The following FMN1 variants were observed in gnomAD, a reference collection of about 807,000 sequenced individuals.
The protein encoded by FMN1 is formin 1.
Under a neutral mutation model 132.4 loss-of-function variants are expected in FMN1, and 110 were observed. That is an observed-to-expected ratio of 0.83 (90% CI 0.71 to 0.97). The LOEUF is 0.97. Among genes scored for constraint, FMN1 ranks in the 50% least tolerant of loss-of-function variants. The pLI is 0.00. For missense variants in FMN1, 1,792 were observed against 1,705.3 expected (o/e 1.05, Z -0.90); for synonymous variants, 722 against 651.7 (o/e 1.11, Z -1.64).
At chr15:32,989,622 T>C (rs1473109110) in intron 7 of FMN1, among the ~76,000 whole-genome samples, 1 of 152,120 alleles carries the variant, frequency 6.6e-6, no homozygotes, top group African/African-American at 2.4e-5. Flanking sequence ...GCTCAAGACT[T>C]TGAACTTAAC....
chr15:33,155,471 C>A (rs1964634891), intron 3 of FMN1, among the ~76,000 whole-genome samples: 1 of 152,146 alleles, frequency 6.6e-6, no homozygotes, highest in Non-Finnish European at 1.5e-5. Context: ...TATTACTTTG[C>A]AAAGGTAGAT....
chr15:33,157,082 A>G (rs1964700231), intron 3 of FMN1, among the ~76,000 whole-genome samples: 1 of 152,042 alleles, frequency 6.6e-6, no homozygotes, highest in African/African-American at 2.4e-5. Flanking sequence ...CCTGGCCAAC[A>G]TGGTAAACCC....
intron 7 of FMN1, among the ~76,000 whole-genome samples, chr15:32,986,621 T>C (rs564134132): frequency 6.6e-6 from 1 of 152,100 alleles, no homozygotes; most frequent in Non-Finnish European, 1.5e-5. Context: ...TAAACGGAAT[T>C]TGGCAGAACA....
chr15:32,969,151 G>C lies in FMN1; in HGVS notation c.2550C>G (p.Ile850Met). 6.2e-7 allele frequency: 1 copy of C among 1,613,938 alleles called. No individual in the cohort carries two copies. Among genetic ancestry groups the C allele is most frequent in the Non-Finnish European group, 8.5e-7 (1 of 1,179,880 alleles). The change falls in exon 8 of 21, where the codon ATC (isoleucine) becomes ATG (methionine). Residue 850 changes from isoleucine to methionine, a missense_variant. Coordinates refer to ENST00000616417, the MANE Select transcript of FMN1 (RefSeq NM_001277313.2). ...CCTCCATTGGCTGGAGTGCTGCATG[G>C]ATGTCTTTGTGGTCATTTGGGGGTG... is the stretch of plus-strand genomic sequence containing the variant. ...QLSPPNDHKD[I>M]HAALQPMEGM...
intron 7 of FMN1, among the ~76,000 whole-genome samples, chr15:32,984,068 A>C (rs895764129): frequency 8.5e-5 from 13 of 152,124 alleles, no homozygotes; most frequent in Non-Finnish European, 1.5e-4. Context: ...CTACCGCATT[A>C]TACTTATGAT....
chr15:32,921,670 CT>C (rs374598630), intron 10 of FMN1, among the ~76,000 whole-genome samples: 1,846 of 111,718 alleles, frequency 0.017, 36 homozygotes, highest in African/African-American at 0.083. Flanking sequence ...CCAGCTGTGT[CT>C]TTTTTTTCTT....
At chr15:33,168,249 T>C (rs1965184788) in intron 3 of FMN1, among the ~76,000 whole-genome samples, 1 of 152,150 alleles carries the variant, frequency 6.6e-6, no homozygotes, top group Non-Finnish European at 1.5e-5. Flanking sequence ...CAGGGAGAAA[T>C]AATGAATCTG....
chr15:32,969,477 C>T lies in FMN1; in HGVS notation c.2224G>A (p.Ala742Thr). 1 of 1,612,046 alleles carries T rather than the reference C, an allele frequency of 6.2e-7. No homozygotes were observed. The highest frequency in any genetic ancestry group is 8.5e-7 in the Non-Finnish European group (1 of 1,178,936). Residue 742 changes from alanine (A) to threonine (T), a missense_variant and splice_region_variant, in exon 8 of 21, where the codon GCA (alanine) becomes ACA (threonine). By Grantham distance (58) the Ala-to-Thr change is moderately conservative. Transcript: ENST00000616417. ...TGAAATGCCCGAAGTTCAAACTGTG[C>T]CTATAGGAAAATTCAGAGGGAAAGA... The part of the protein sequence containing the change: ...EHKEEIENLQ[A>T]QFELRAFHIR...
chr15:32,975,913 G>A (rs1053551383), intron 7 of FMN1, among the ~76,000 whole-genome samples: 1 of 152,018 alleles, frequency 6.6e-6, no homozygotes, highest in African/African-American at 2.4e-5. Flanking sequence ...CCACTGCTCA[G>A]AGATATCATC....
In FMN1 at chr15:32,930,374, C is replaced by G. The variant is rs986989872; in HGVS notation, c.3139-4113G>C. On this transcript the variant is annotated intron_variant, in intron 9 of 20. Coordinates refer to ENST00000616417, the MANE Select transcript of FMN1 (RefSeq NM_001277313.2). ...CCACCAACAGTGTACAAAGGTCCCA[C>G]TTTGTCTACATCCTCAAAAAAACTT... is the stretch of plus-strand genomic sequence containing the variant. Among the ~76,000 whole-genome samples the G allele has an allele frequency of 5.3e-5, 8 of 151,544 alleles. No individual in the cohort carries two copies. The East Asian group carries it at 1.5e-3, about 29-fold the overall frequency.
At chr15:33,017,201 GT>G (rs1189846124) in intron 6 of FMN1, among the ~76,000 whole-genome samples, 2 of 152,048 alleles carry the variant, frequency 1.3e-5, no homozygotes, top group Admixed American at 6.5e-5. Flanking sequence ...GCGACAGGGG[GT>G]TTTTAGGACA....
intron 15 of FMN1, among the ~76,000 whole-genome samples, chr15:32,894,782 T>TAA (rs36138638): frequency 2.9e-4 from 41 of 141,152 alleles, no homozygotes; most frequent in South Asian, 6.8e-4. Context: ...AGAAGACAGT[T>TAA]AAAAAAAAAA....
intron 6 of FMN1, among the ~76,000 whole-genome samples, chr15:33,019,152 G>A (rs890674125): frequency 2.6e-5 from 4 of 152,160 alleles, no homozygotes; most frequent in Non-Finnish European, 4.4e-5. Flanking sequence ...CTGTTTTACA[G>A]AGAGCTGATT....
intron 17 of FMN1, among the ~76,000 whole-genome samples, chr15:32,817,067 C>A (rs573257325): frequency 1.1e-4 from 17 of 152,176 alleles, no homozygotes; most frequent in Non-Finnish European, 1.9e-4. Flanking sequence ...CAATATACAG[C>A]ATCATACCTT....
At chr15:32,890,184 T>C (rs1238965941) in intron 15 of FMN1, among the ~76,000 whole-genome samples, 2 of 152,238 alleles carry the variant, frequency 1.3e-5, no homozygotes, top group Admixed American at 6.5e-5. Context: ...GATGGGCATT[T>C]GGGTTGGTTC....
intron 4 of FMN1, among the ~76,000 whole-genome samples, chr15:33,113,914 G>T (rs534881199): frequency 1.2e-3 from 187 of 152,240 alleles, no homozygotes; most frequent in African/African-American, 4.4e-3. Flanking sequence ...CCTTAACGAT[G>T]TTTTCACCCA....
chr15:32,908,483 T>G lies in FMN1; in HGVS notation c.3377+7A>C, dbSNP rs762773275. ...TGGCCTAACAGAAAAATGTTAAGTA[T>G]CCTTACTGCTCAGGTTTATCCAGCA... On this transcript the variant is annotated splice_region_variant and intron_variant, in intron 12 of 20. Transcript: ENST00000616417. 8.8e-6 allele frequency: 14 copies of G among 1,590,608 alleles called. No homozygotes were observed. The highest frequency in any genetic ancestry group is 1.1e-5 in the Non-Finnish European group (13 of 1,159,796).
chr15:32,933,328 G>A (rs1029862849), intron 9 of FMN1, among the ~76,000 whole-genome samples: 1 of 152,074 alleles, frequency 6.6e-6, no homozygotes, highest in African/African-American at 2.4e-5. Flanking sequence ...TGCCATTGTG[G>A]TCAGAAAAGA....
chr15:32,981,543 A>AATAATT (rs574939662), intron 7 of FMN1, among the ~76,000 whole-genome samples: 5,885 of 138,196 alleles, frequency 0.043, 164 homozygotes, highest in Non-Finnish European at 0.059. Flanking sequence ...TAATAATAAT[A>AATAATT]ATTATTATTA....
Sources: allele counts gnomAD v4.1 joint callset (sites outside exome capture counted in the v4.1 genomes callset), GRCh38; gene constraint gnomAD v4.1.1; transcripts MANE v1.5; gene names NCBI Gene and HGNC (gene_info 2026-07-23, HGNC 2026-07-21).